Variants in DLG2 observed in about 807,000 individuals in gnomAD.
DLG2 encodes discs large MAGUK scaffold protein 2, also known as disks large homolog 2.
DLG2 carries 45 observed loss-of-function variants against 132.5 expected under a neutral mutation model. The observed-to-expected ratio is 0.34, with a 90% CI of 0.27 to 0.44. DLG2 has a LOEUF of 0.44. Ranked by LOEUF, DLG2 falls within the 20% of genes least tolerant of loss-of-function variation. The pLI, the probability that DLG2 is intolerant of heterozygous loss-of-function variation, is 1.00. For missense variants in DLG2, 1,045 were observed against 1,196.9 expected (o/e 0.87, Z 1.87); for synonymous variants, 424 against 419.6 (o/e 1.01, Z -0.13).
chr11:85,527,179 T>A (rs570381846), intron 3 of DLG2, among the ~76,000 whole-genome samples: 23 of 106,334 alleles, frequency 2.2e-4, no homozygotes, highest in African/African-American at 4.8e-4. Context: ...TGTTTTTATT[T>A]TTTTTTTTTT....
At chr11:85,621,585 G>T (rs1387164029) in intron 2 of DLG2, among the ~76,000 whole-genome samples, 1 of 152,150 alleles carries the variant, frequency 6.6e-6, no homozygotes, top group Non-Finnish European at 1.5e-5. Flanking sequence ...AACTTTCATG[G>T]ATGACTTTGA....
At chr11:84,564,692 C>T (rs2099444051) in intron 6 of DLG2, among the ~76,000 whole-genome samples, 1 of 152,114 alleles carries the variant, frequency 6.6e-6, no homozygotes, top group Non-Finnish European at 1.5e-5. Context: ...GTTGCCATAA[C>T]TGTAAAATGG....
chr11:84,942,092 G>C (rs187056967), intron 6 of DLG2, among the ~76,000 whole-genome samples: 1 of 152,064 alleles, frequency 6.6e-6, no homozygotes, highest in Non-Finnish European at 1.5e-5. Flanking sequence ...GGTATCAGTT[G>C]TAATGTCTCC....
chr11:84,318,102 G>A (rs2098379102), intron 7 of DLG2, among the ~76,000 whole-genome samples: 2 of 152,138 alleles, frequency 1.3e-5, no homozygotes. Flanking sequence ...AGTGAAAGAT[G>A]CATCCAACTC....
chr11:84,565,587 T>A (rs2099450444), intron 6 of DLG2, among the ~76,000 whole-genome samples: 1 of 152,074 alleles, frequency 6.6e-6, no homozygotes, highest in Admixed American at 6.6e-5. Flanking sequence ...AATACATAAT[T>A]GTTGATAAAT....
At chr11:84,008,627 A>AAG (rs2094703815) in intron 11 of DLG2, among the ~76,000 whole-genome samples, 1 of 151,832 alleles carries the variant, frequency 6.6e-6, no homozygotes, top group South Asian at 2.1e-4. Context: ...GTATTTTGAT[A>AAG]ATAGAGAGAG....
rs1223894012 is a variant in DLG2 at position 84,440,716 on chromosome 11, A to C, written c.519+93854T>G. 4.6e-5 allele frequency among the ~76,000 whole-genome samples: 7 copies of C among 152,328 alleles called. No homozygotes were observed. The East Asian group carries it at 1.3e-3, about 29-fold the overall frequency. On this transcript the variant is annotated intron_variant, in intron 7 of 27. Transcript: ENST00000376104. ...GCCTCTCCTATGACGGAAACCTACCAGTGCAGCTGAGTTTGAGATGCAACA... is the reference window on the plus strand; with the variant it reads ...GCCTCTCCTATGACGGAAACCTACCCGTGCAGCTGAGTTTGAGATGCAACA...
intron 19 of DLG2, among the ~76,000 whole-genome samples, chr11:83,620,175 T>A (rs2061408317): frequency 6.6e-6 from 1 of 152,120 alleles, no homozygotes; most frequent in Non-Finnish European, 1.5e-5. Flanking sequence ...AAAAAGTACA[T>A]GAGGTAAGCA....
chr11:85,578,242 A>C (rs2078281073), intron 3 of DLG2, among the ~76,000 whole-genome samples: 1 of 152,210 alleles, frequency 6.6e-6, no homozygotes. Flanking sequence ...AAATTAACTC[A>C]AGATGGACTA....
At chr11:84,993,148 T>TAACTAACAGAGGAACAGA in intron 6 of DLG2, among the ~76,000 whole-genome samples, 1 of 152,094 alleles carries the variant, frequency 6.6e-6, no homozygotes, top group East Asian at 1.9e-4. Context: ...AGCTGGAAGC[T>TAACTAACAGAGGAACAGA]AACTAACAGA....
At chr11:85,054,629 T>C (rs943157369) in intron 6 of DLG2, among the ~76,000 whole-genome samples, 1 of 152,086 alleles carries the variant, frequency 6.6e-6, no homozygotes, top group African/African-American at 2.4e-5. Flanking sequence ...TCACCAACAG[T>C]GGGTTGGATA....
At chr11:85,586,935 T>C (rs1236199625) in intron 3 of DLG2, among the ~76,000 whole-genome samples, 1 of 152,176 alleles carries the variant, frequency 6.6e-6, no homozygotes, top group Non-Finnish European at 1.5e-5. Flanking sequence ...TTAATTTCCA[T>C]CTTGATTTCA....
At chr11:84,247,967 A>G (rs1320806791) in intron 8 of DLG2, among the ~76,000 whole-genome samples, 1 of 152,234 alleles carries the variant, frequency 6.6e-6, no homozygotes. Context: ...TTCTTACGCA[A>G]CATGACTAAA....
intron 7 of DLG2, among the ~76,000 whole-genome samples, chr11:84,447,818 T>C (rs1341256715): frequency 1.3e-5 from 2 of 152,130 alleles, no homozygotes; most frequent in Admixed American, 1.3e-4. Context: ...TGTTCATGTG[T>C]TCAAAATTAA....
At chr11:84,199,309 C>T (rs549875271) in intron 8 of DLG2, among the ~76,000 whole-genome samples, 9 of 152,160 alleles carry the variant, frequency 5.9e-5, no homozygotes, top group African/African-American at 1.7e-4. Context: ...CACACTCACC[C>T]GATATTAATA....
intron 9 of DLG2, among the ~76,000 whole-genome samples, chr11:84,120,059 T>A (rs10898207): frequency 0.78 from 118,103 of 152,162 alleles, 46,386 homozygotes; most frequent in Middle Eastern, 0.89. Context: ...TTCAACTTCA[T>A]TTCATCCAAA....
intron 6 of DLG2, among the ~76,000 whole-genome samples, chr11:84,544,110 C>A (rs1369732833): frequency 6.6e-6 from 1 of 152,232 alleles, no homozygotes; most frequent in Non-Finnish European, 1.5e-5. Flanking sequence ...CACCCTCCAT[C>A]TGTTAACTGA....
intron 7 of DLG2, among the ~76,000 whole-genome samples, chr11:84,254,169 T>A (rs1326283102): frequency 1.3e-5 from 2 of 152,174 alleles, no homozygotes; most frequent in Non-Finnish European, 2.9e-5. Flanking sequence ...TTCCCCATAT[T>A]TTCTAGTATA....
rs562560546 is a variant in DLG2 at position 85,157,840 on chromosome 11, A to G, written c.187-3189T>C. ...ATGAAGCTGGGAACACTGAGTTTGT[A>G]AACTCTGACGAAGCTTTTTTTGCCA... On this transcript the variant is annotated intron_variant, in intron 4 of 27. Transcript: ENST00000376104. Among the ~76,000 whole-genome samples the G allele has an allele frequency of 1.2e-3, 188 of 152,262 alleles. 1 individual carries two copies. Among genetic ancestry groups the G allele is most frequent in the Middle Eastern group, 3.4e-3 (1 of 294 alleles).
Sources: gnomAD v4.1 joint callset for allele counts (sites outside exome capture counted in the v4.1 genomes callset) on GRCh38, gnomAD v4.1.1 for gene constraint, MANE v1.5 for transcripts, NCBI Gene and HGNC (gene_info 2026-07-23, HGNC 2026-07-21) for gene names.